The following TMEM156 variants were observed in gnomAD, a reference collection of about 807,000 sequenced individuals.
The protein encoded by TMEM156 is transmembrane protein 156.
Under a neutral mutation model 30.5 loss-of-function variants are expected in TMEM156, and 28 were observed. The observed-to-expected ratio is 0.92, with a 90% CI of 0.68 to 1.26. TMEM156 has a LOEUF of 1.26. Among genes scored for constraint, TMEM156 ranks in the 50% most tolerant of loss-of-function variants. The pLI is 0.00. For missense variants in TMEM156, 351 were observed against 340.6 expected (o/e 1.03, Z -0.24); for synonymous variants, 137 against 119.9 (o/e 1.14, Z -0.93).
intron 1 of TMEM156, among the ~76,000 whole-genome samples, chr4:39,013,953 T>C (rs1214332042): frequency 1.3e-5 from 2 of 152,182 alleles, no homozygotes; most frequent in African/African-American, 4.8e-5. Context: ...GTTTTAGCCT[T>C]TGTGGGTCAT....
chr4:38,980,045 A>G (rs1409045799), intron 5 of TMEM156, among the ~76,000 whole-genome samples: 1 of 152,202 alleles, frequency 6.6e-6, no homozygotes. Flanking sequence ...CTGTTATTCA[A>G]GGTGCCAACT....
intron 2 of TMEM156, among the ~76,000 whole-genome samples, chr4:38,994,678 G>T (rs1712795511): frequency 6.6e-6 from 1 of 152,090 alleles, no homozygotes; most frequent in Admixed American, 6.6e-5. Context: ...GCCAAGCACG[G>T]CGATCCTGCC....
At chr4:38,997,240 C>T (rs961244659) in intron 2 of TMEM156, among the ~76,000 whole-genome samples, 6 of 152,134 alleles carry the variant, frequency 3.9e-5, no homozygotes, top group East Asian at 3.9e-4. Context: ...GGAGGAGTTA[C>T]GGCACTACTT....
chr4:38,978,306 C>T (rs1182293532), intron 5 of TMEM156, among the ~76,000 whole-genome samples: 1 of 152,130 alleles, frequency 6.6e-6, no homozygotes, highest in Non-Finnish European at 1.5e-5. Context: ...GTTAGGAGAT[C>T]ACACAGTATC....
intron 2 of TMEM156, among the ~76,000 whole-genome samples, 174 bp from the exon 3 acceptor site, chr4:38,994,172 T>C (rs1294336953): frequency 6.6e-6 from 1 of 152,186 alleles, no homozygotes; most frequent in Non-Finnish European, 1.5e-5. Context: ...TCTCCCAGGC[T>C]GGAGTGCAGT....
Position 38,988,930 on chromosome 4 carries a change from A to T in TMEM156, c.660T>A (p.Val220=). The change falls in exon 4 of 7, where the codon GTT becomes GTA. Residue 220 remains valine, a synonymous_variant. Transcript: ENST00000381938. Reference sequence around the variant, plus strand: ...TGATCAAAAATATAAAAACTAATAGAACTAAAATATACCAAGTGATCTTCA... The same window carrying T: ...TGATCAAAAATATAAAAACTAATAGTACTAAAATATACCAAGTGATCTTCA... ...CSMKITWYIL[V]LLVFIFLIIL... The T allele has an allele frequency of 6.2e-7, 1 of 1,612,938 alleles. No homozygotes were observed. The highest frequency in any genetic ancestry group is 8.5e-7 in the Non-Finnish European group (1 of 1,179,030).
chr4:38,988,555 T>C (rs1712169617), intron 4 of TMEM156, among the ~76,000 whole-genome samples: 1 of 152,170 alleles, frequency 6.6e-6, no homozygotes, highest in African/African-American at 2.4e-5. Flanking sequence ...CCCCACTTCC[T>C]GTTCTTCTCT....
Position 39,032,324 on chromosome 4 carries a change from A to G in TMEM156, c.-11T>C, listed in dbSNP as rs998547095. ...GGCTGTTTTTGTCATGTCTCTTCAC[A>G]TGACACAAATGTGTTCCCTTGCAGT... On this transcript the variant is annotated 5_prime_UTR_variant, in exon 1 of 7. It removes an upstream start codon present in the reference 5' UTR. Transcript: ENST00000381938. The G allele has an allele frequency of 6.5e-7, 1 of 1,540,546 alleles. No homozygotes were observed. The highest frequency in any genetic ancestry group is 9.0e-7 in the Non-Finnish European group (1 of 1,117,212).
At chr4:39,031,870 C>T (rs1415114304) in intron 1 of TMEM156, among the ~76,000 whole-genome samples, 29 of 112,978 alleles carry the variant, frequency 2.6e-4, no homozygotes, top group African/African-American at 8.5e-4. Flanking sequence ...GCGACAGAGA[C>T]TCCATCTCAA....
At position 38,980,883 on chromosome 4, in the gene TMEM156, A is replaced by G. The variant is rs906291132; in HGVS notation, c.823+5453T>C. 1.0e-5 allele frequency: 10 copies of G among 972,866 alleles called. No homozygotes were observed. In the African/African-American group the frequency reaches 1.6e-4, roughly 15 times the overall value. 60.3% of individuals were successfully genotyped at this position (972,866 alleles called of 1,614,324 possible). A position where few individuals can be genotyped will look rare whatever the true frequency, so the allele number is the denominator to read the frequency against. On this transcript the variant is annotated intron_variant, in intron 5 of 6. Coordinates refer to ENST00000381938, the MANE Select transcript of TMEM156 (RefSeq NM_024943.3). ...GATGTTTATGTGCACATGTTTTACC[A>G]TCAATTCTTCCAGGCCTGACATATA...
intron 5 of TMEM156, among the ~76,000 whole-genome samples, chr4:38,978,785 A>AT (rs971304511): frequency 8.8e-4 from 132 of 149,994 alleles, no homozygotes; most frequent in African/African-American, 2.2e-3. Context: ...CAAGGAATGC[A>AT]TTTTTTTTTT....
At chr4:39,028,510 T>G (rs1383669635) in intron 1 of TMEM156, 1 of 152,236 alleles carries the variant, frequency 6.6e-6, no homozygotes, top group Non-Finnish European at 1.5e-5. Context: ...ATTCCTGTAT[T>G]TTATTTAGTT....
At position 39,032,242 on chromosome 4, in the gene TMEM156, A is replaced by AT; in HGVS notation, c.71dup (p.Tyr24Ter). Residue 24 changes from tyrosine (Y) to a stop codon, truncating the protein, a stop_gained and frameshift_variant, in exon 1 of 7, where the codon TAT becomes TAAT. Coordinates refer to ENST00000381938, the MANE Select transcript of TMEM156 (RefSeq NM_024943.3). LOFTEE classifies it high-confidence loss of function. ...VITFILILPE[Y>*]FKTPKERTLE... is the part of the protein sequence containing the mutation. ...TATACTCACCTTTCGGTGTCTTGAAATATTCCGGCAAAATTAAAATGAATG... is the reference window on the plus strand; with the variant it reads ...TATACTCACCTTTCGGTGTCTTGAAATTATTCCGGCAAAATTAAAATGAATG... The AT allele has an allele frequency of 1.2e-6, 2 of 1,606,186 alleles. No homozygotes were observed. Among genetic ancestry groups the AT allele is most frequent in the Non-Finnish European group, 1.7e-6 (2 of 1,174,618 alleles).
chr4:38,988,885 T>C lies in TMEM156; in HGVS notation c.705A>G (p.Ile235Met). 1 of 1,614,100 alleles carries C rather than the reference T, an allele frequency of 6.2e-7. No homozygotes were observed. The highest frequency in any genetic ancestry group is 8.5e-7 in the Non-Finnish European group (1 of 1,179,978). ...TTTGCACTCTTCTCTGGCCTTCAAGTATTTTGCGGATAGTGAGGATGATCA... is the reference window on the plus strand; with the variant it reads ...TTTGCACTCTTCTCTGGCCTTCAAGCATTTTGCGGATAGTGAGGATGATCA... The part of the protein sequence containing the change: ...IFLIILTIRK[I>M]LEGQRRVQKW... Residue 235 changes from isoleucine (I) to methionine (M), a missense_variant, in exon 4 of 7, where the codon ATA becomes ATG. By Grantham distance (10) the Ile-to-Met change is conservative. Transcript: ENST00000381938.
intron 1 of TMEM156, among the ~76,000 whole-genome samples, chr4:39,021,899 T>C (rs1464537880): frequency 2.0e-5 from 3 of 152,234 alleles, no homozygotes; most frequent in Non-Finnish European, 4.4e-5. Context: ...GCTAAATATT[T>C]TCTATTTTAT....
At chr4:38,971,546 T>C (rs1269580094) in intron 5 of TMEM156, among the ~76,000 whole-genome samples, 1 of 152,204 alleles carries the variant, frequency 6.6e-6, no homozygotes, top group African/African-American at 2.4e-5. Flanking sequence ...AGTCACAAAT[T>C]AGATGAATTC....
intron 5 of TMEM156, among the ~76,000 whole-genome samples, chr4:38,983,232 G>A (rs11946488): frequency 0.46 from 70,495 of 151,928 alleles, 16,985 homozygotes; most frequent in African/African-American, 0.61. Flanking sequence ...TGTTGTTTCT[G>A]TGGGCTACCT....
intron 5 of TMEM156, among the ~76,000 whole-genome samples, chr4:38,984,445 A>G (rs1226456412): frequency 6.6e-6 from 1 of 151,452 alleles, no homozygotes; most frequent in South Asian, 2.1e-4. Flanking sequence ...ATGTGTGGCT[A>G]GTGTTGACAA....
chr4:39,007,247 A>T (rs1465598739), intron 1 of TMEM156, among the ~76,000 whole-genome samples: 2 of 151,956 alleles, frequency 1.3e-5, no homozygotes, highest in African/African-American at 2.4e-5. Context: ...TCGCCTTGTT[A>T]TTTTTCTTCA....
Sources: allele counts gnomAD v4.1 joint callset (sites outside exome capture counted in the v4.1 genomes callset), GRCh38; gene constraint gnomAD v4.1.1; transcripts MANE v1.5; gene names NCBI Gene and HGNC (gene_info 2026-07-23, HGNC 2026-07-21).